Variants in QRICH1 observed in about 807,000 individuals in gnomAD.
The protein encoded by QRICH1 is transcriptional regulator QRICH1.
A neutral mutation model predicts 87.1 loss-of-function variants in QRICH1; 16 were observed. The observed-to-expected ratio is 0.18, with a 90% CI of 0.12 to 0.28. The LOEUF (loss-of-function observed/expected upper bound fraction) is 0.28, where lower values mean the gene tolerates loss of function less well. Among genes scored for constraint, QRICH1 ranks in the 10% least tolerant of loss-of-function variants. The pLI is 1.00. For missense variants in QRICH1, 647 were observed against 951.7 expected (o/e 0.68, Z 4.21); for synonymous variants, 367 against 368.4 (o/e 1.00, Z 0.05).
In QRICH1 at chr3:49,056,866, C is replaced by T; in HGVS notation, c.1334G>A (p.Cys445Tyr). The T allele has an allele frequency of 6.2e-7, 1 of 1,614,208 alleles. No homozygotes were observed. The highest frequency in any genetic ancestry group is 8.5e-7 in the Non-Finnish European group (1 of 1,180,028). The change falls in exon 3 of 10, where the codon TGT (cysteine) becomes TAT (tyrosine). Residue 445 changes from cysteine (C) to tyrosine (Y), a missense_variant. This residue lies in a region of QRICH1 where 187 missense variants were observed against 309.5 expected (regional missense o/e 0.60). Coordinates refer to ENST00000395443, the MANE Select transcript of QRICH1 (RefSeq NM_198880.3). Reference sequence around the variant, plus strand: ...TACTGATAAGTCTTCACTTACTGAACAAGTAACTTGGAGTTGCTGCTGCTG... The same window carrying T: ...TACTGATAAGTCTTCACTTACTGAATAAGTAACTTGGAGTTGCTGCTGCTG... ...QQQQQQLQVT[C>Y]SAQTVQVAEV...
chr3:49,046,522 T>C lies in QRICH1; in HGVS notation c.1574A>G (p.Asn525Ser), dbSNP rs967435234. The change falls in exon 5 of 10, where the codon AAT (asparagine) becomes AGT (serine). Residue 525 changes from asparagine (N) to serine (S), a missense_variant. Asn to Ser is a conservative substitution (Grantham distance 46). Coordinates refer to ENST00000395443, the MANE Select transcript of QRICH1 (RefSeq NM_198880.3). The part of the protein sequence containing the change: ...DLISSAVAEL[N>S]YGLCLMTREA... ...CCGTGTCATTAGACAGAGCCCATAA[T>C]TCAACTCTGCCACAGCAGAGGAGAT... The C allele has an allele frequency of 1.2e-6, 2 of 1,614,118 alleles. No individual in the cohort carries two copies.
rs1485934720 is a variant in QRICH1, at chr3:49,056,843, CTGA to C, written c.1338+16_1338+18del. 1.2e-6 allele frequency: 2 copies of C among 1,614,190 alleles called. No individual in the cohort carries two copies. The highest frequency in any genetic ancestry group is 2.2e-5 in the East Asian group (1 of 44,888). ...CTGAGGGACCAGGCTGCCTGCCCTA[CTGA>C]TAAGTCTTCACTTACTGAACAAGTA... is the stretch of plus-strand genomic sequence containing the variant. On this transcript the variant is annotated intron_variant, in intron 3 of 9. Coordinates refer to ENST00000395443, the MANE Select transcript of QRICH1 (RefSeq NM_198880.3).
At chr3:49,061,426 A>G (rs527786420) in intron 2 of QRICH1, among the ~76,000 whole-genome samples, 3 of 152,318 alleles carry the variant, frequency 2.0e-5, no homozygotes, top group East Asian at 3.9e-4. Flanking sequence ...TCTTATTATT[A>G]TGTCAGCATG....
chr3:49,031,890 A>G (rs1479412764), intron 9 of QRICH1, among the ~76,000 whole-genome samples: 4 of 152,226 alleles, frequency 2.6e-5, no homozygotes, highest in Non-Finnish European at 4.4e-5. Context: ...AAGGTCAGGA[A>G]GCAGGGCCAT....
At chr3:49,046,386 C>T (rs1437125439) in intron 5 of QRICH1, 39 bp downstream of exon 5, 1 of 1,576,000 alleles carries the variant, frequency 6.3e-7, no homozygotes, top group East Asian at 2.3e-5. Flanking sequence ...CCAATAGGAA[C>T]ACAGCTCAAA....
intron 2 of QRICH1, among the ~76,000 whole-genome samples, chr3:49,069,109 T>TTTTA (rs2093485855): frequency 8.0e-6 from 1 of 125,344 alleles, no homozygotes; most frequent in South Asian, 2.3e-4. Context: ...TTATTATTAT[T>TTTTA]TTTTTTTTTT....
intron 5 of QRICH1, among the ~76,000 whole-genome samples, chr3:49,045,361 T>A (rs1203788552): frequency 6.8e-6 from 1 of 147,314 alleles, no homozygotes. Context: ...TCAAGGTAAT[T>A]ACCAATAATG....
intron 3 of QRICH1, among the ~76,000 whole-genome samples, chr3:49,053,956 A>G (rs1008936656): frequency 2.0e-5 from 3 of 152,222 alleles, no homozygotes; most frequent in African/African-American, 4.8e-5. Flanking sequence ...CTCCTAGCAC[A>G]GAGCCTGCAT....
intron 6 of QRICH1, among the ~76,000 whole-genome samples, chr3:49,043,740 T>C (rs528681121): frequency 1.3e-5 from 2 of 150,988 alleles, no homozygotes; most frequent in East Asian, 2.0e-4. Flanking sequence ...GGTAGGAGAA[T>C]TGCCTGAATT....
intron 3 of QRICH1, among the ~76,000 whole-genome samples, chr3:49,050,062 C>T (rs1343379642): frequency 3.4e-5 from 5 of 148,058 alleles, no homozygotes; most frequent in African/African-American, 7.5e-5. Flanking sequence ...TTAGGCTGGG[C>T]GCGGTGGCTC....
rs949704676 is a variant in QRICH1 at position 49,071,521 on chromosome 3, G to A, written c.309+5188C>T. On this transcript the variant is annotated intron_variant, in intron 2 of 9. Coordinates refer to ENST00000395443, the MANE Select transcript of QRICH1 (RefSeq NM_198880.3). ...ATGGCTCATGCCTGCACTTTGGGAG[G>A]CTGAGGCAAGTGAATCGTTTAAGGT... Among the ~76,000 whole-genome samples, 6 of 152,158 alleles carry A rather than the reference G, an allele frequency of 3.9e-5. No homozygotes were observed. In the South Asian group the frequency reaches 8.3e-4, roughly 21 times the overall value.
intron 2 of QRICH1, among the ~76,000 whole-genome samples, chr3:49,060,669 GC>G (rs2093429500): frequency 1.3e-5 from 2 of 152,182 alleles, no homozygotes; most frequent in Admixed American, 6.6e-5. Flanking sequence ...CAACCCTGGG[GC>G]CAAGGACTAG....
intron 1 of QRICH1, among the ~76,000 whole-genome samples, chr3:49,087,826 A>AAAAAAAAAAAAAC: frequency 6.7e-6 from 1 of 148,616 alleles, no homozygotes; most frequent in Non-Finnish European, 1.5e-5. Flanking sequence ...CTCAAAAAAA[A>AAAAAAAAAAAAAC]AAAAAAAAAA....
intron 1 of QRICH1, among the ~76,000 whole-genome samples, chr3:49,087,578 T>A (rs1291534704): frequency 2.0e-5 from 3 of 149,192 alleles, no homozygotes; most frequent in Admixed American, 6.7e-5. Flanking sequence ...TTAAAAAAAA[T>A]AAAAATAAAA....
At chr3:49,082,213 A>G (rs1448440104) in intron 1 of QRICH1, among the ~76,000 whole-genome samples, 1 of 152,258 alleles carries the variant, frequency 6.6e-6, no homozygotes, top group Non-Finnish European at 1.5e-5. Flanking sequence ...CTAGGATTAC[A>G]GGCATGAGCC....
At position 49,084,349 on chromosome 3, in the gene QRICH1, A is replaced by G. The variant is rs376060627; in HGVS notation, c.-21-7311T>C. Among the ~76,000 whole-genome samples the G allele has an allele frequency of 1.2e-4, 18 of 151,510 alleles. No individual in the cohort carries two copies. In the East Asian group the frequency reaches 2.6e-3, roughly 22 times the overall value. ...TGGCTCACTGAAACCTCCGCCTCCT[A>G]GGTTCAAGCAATTCTCCTGCCTCAG... On this transcript the variant is annotated intron_variant, in intron 1 of 9. Transcript: ENST00000395443.
intron 6 of QRICH1, among the ~76,000 whole-genome samples, chr3:49,038,130 C>T (rs1365854164): frequency 2.6e-5 from 4 of 151,498 alleles, no homozygotes; most frequent in African/African-American, 4.9e-5. Context: ...GGCGCGATCT[C>T]GGCTCACTGC....
At position 49,089,653 on chromosome 3, in the gene QRICH1, A is replaced by G. The variant is rs546828777; in HGVS notation, c.-22+4259T>C. ...GTGTATTCATACAACAGAATACTAC[A>G]TAAAAAATGGAAATGAACAGCTGCA... On this transcript the variant is annotated intron_variant, in intron 1 of 9. Transcript: ENST00000395443. Among the ~76,000 whole-genome samples, 4 of 152,374 alleles carry G rather than the reference A, an allele frequency of 2.6e-5. No individual in the cohort carries two copies. The East Asian group carries it at 7.7e-4, about 29-fold the overall frequency.
chr3:49,058,146 C>T (rs1347204824), intron 2 of QRICH1: 1 of 475,726 alleles, frequency 2.1e-6, no homozygotes, highest in African/African-American at 2.0e-5. Context: ...AAGGAAATAC[C>T]AAAAAAAAAA....
Sources: gnomAD v4.1 joint callset for allele counts (sites outside exome capture counted in the v4.1 genomes callset) on GRCh38, gnomAD v4.1.1 for gene constraint, gnomAD v4.1.1 regional missense constraint, MANE v1.5 for transcripts, NCBI Gene and HGNC (gene_info 2026-07-23, HGNC 2026-07-21) for gene names.